Variants in SELENOT observed in about 807,000 individuals in gnomAD.
SELENOT encodes selenoprotein T.
A neutral mutation model predicts 24.3 loss-of-function variants in SELENOT; 9 were observed. That is an observed-to-expected ratio of 0.37 (90% CI 0.22 to 0.65). SELENOT has a LOEUF of 0.65. Among genes scored for constraint, SELENOT ranks in the 30% least tolerant of loss-of-function variants. The pLI is 0.60. For missense variants in SELENOT, 166 were observed against 247.6 expected (o/e 0.67, Z 2.21); for synonymous variants, 81 against 86.0 (o/e 0.94, Z 0.32).
chr3:150,615,572 C>G (rs533209805), intron 1 of SELENOT, among the ~76,000 whole-genome samples: 1 of 152,192 alleles, frequency 6.6e-6, no homozygotes, highest in East Asian at 1.9e-4. Context: ...AACAGAGAGC[C>G]AAATCATGAG....
chr3:150,603,710 G>C, intron 1 of SELENOT: 1 of 536,928 alleles, frequency 1.9e-6, no homozygotes, highest in Non-Finnish European at 3.2e-6. Context: ...CTTGTTTTTT[G>C]CCTCCTAGAA....
intron 1 of SELENOT, among the ~76,000 whole-genome samples, chr3:150,605,057 TC>T (rs1411802244): frequency 1.0e-4 from 13 of 128,584 alleles, no homozygotes; most frequent in Admixed American, 9.9e-4. Flanking sequence ...AAAAAAAACC[TC>T]CCTGTACAAT....
At chr3:150,623,207 A>G in intron 3 of SELENOT, 38 bp downstream of exon 3, 4 of 1,522,066 alleles carry the variant, frequency 2.6e-6, no homozygotes, top group Non-Finnish European at 3.5e-6. Flanking sequence ...GTAGGTTTTT[A>G]TGTTGTCAGT....
At chr3:150,612,860 C>T (rs1312748406) in intron 1 of SELENOT, among the ~76,000 whole-genome samples, 1 of 152,012 alleles carries the variant, frequency 6.6e-6, no homozygotes, top group African/African-American at 2.4e-5. Flanking sequence ...TGTCTAAAAC[C>T]AAAAAGTCAT....
intron 1 of SELENOT, chr3:150,611,692 A>G: frequency 6.2e-7 from 1 of 1,601,098 alleles, no homozygotes; most frequent in Non-Finnish European, 8.5e-7. Context: ...GCCCGACCGC[A>G]CCGCTCACCA....
At position 150,628,667 on chromosome 3, in the gene SELENOT, A is replaced by T. The variant is rs1726492295; in HGVS notation, c.*1038A>T. 4.6e-5 allele frequency: 7 copies of T among 152,196 alleles called. No homozygotes were observed. Among genetic ancestry groups the T allele is most frequent in the Admixed American group, 4.6e-4 (7 of 15,290 alleles). 9.4% of individuals were successfully genotyped at this position (152,196 alleles called of 1,614,324 possible). On this transcript the variant is annotated 3_prime_UTR_variant, in exon 6 of 6. Transcript: ENST00000471696. ...TTGTATATGATGAACAAAACTTAAA[A>T]TTTTTTAAATTTAATTTTTAAATAC...
intron 1 of SELENOT, among the ~76,000 whole-genome samples, chr3:150,615,955 C>T (rs1365861867): frequency 3.3e-5 from 5 of 151,846 alleles, no homozygotes; most frequent in Non-Finnish European, 7.4e-5. Context: ...AACTATACTA[C>T]AAGGCTACAG....
chr3:150,609,733 A>G (rs996291369), intron 1 of SELENOT, among the ~76,000 whole-genome samples: 1 of 152,188 alleles, frequency 6.6e-6, no homozygotes, highest in African/African-American at 2.4e-5. Context: ...ACTTCACTGA[A>G]GTTGACCAGC....
intron 5 of SELENOT, 54 bp downstream of exon 5, chr3:150,627,217 C>A: frequency 7.5e-7 from 1 of 1,325,892 alleles, no homozygotes; most frequent in Non-Finnish European, 1.0e-6. Context: ...TCTTATGACT[C>A]AGCAAGTTAG....
At chr3:150,622,048 T>G (rs1726355439) in intron 1 of SELENOT, among the ~76,000 whole-genome samples, 1 of 151,856 alleles carries the variant, frequency 6.6e-6, no homozygotes, top group Non-Finnish European at 1.5e-5. Flanking sequence ...GAGCTCAAAG[T>G]ATGCTGAATG....
intron 1 of SELENOT, among the ~76,000 whole-genome samples, chr3:150,620,895 T>A: frequency 6.6e-6 from 1 of 152,352 alleles, no homozygotes; most frequent in South Asian, 2.1e-4. Context: ...AAAGAAAAGA[T>A]TAATACATTT....
chr3:150,627,277 A>G, intron 5 of SELENOT, 114 bp downstream of exon 5: 1 of 807,580 alleles, frequency 1.2e-6, no homozygotes, highest in Non-Finnish European at 1.9e-6. Flanking sequence ...GATTAAACAG[A>G]GGGATGTATT....
chr3:150,603,528 C>T lies in SELENOT; in HGVS notation c.137+29C>T, dbSNP rs766189591. ...AGTATGTGCACTGGGCCCCGGCCAC[C>T]CCGCCGCGCCTCTGCTCGGCGCCAT... is the stretch of plus-strand genomic sequence containing the variant. On this transcript the variant is annotated intron_variant, in intron 1 of 5. Coordinates refer to ENST00000471696, the MANE Select transcript of SELENOT (RefSeq NM_016275.5). 8.4e-6 allele frequency: 13 copies of T among 1,552,820 alleles called. No homozygotes were observed. In the South Asian group the frequency reaches 1.2e-4, roughly 14 times the overall value.
chr3:150,608,618 A>G (rs1159899826), intron 1 of SELENOT, among the ~76,000 whole-genome samples: 1 of 152,204 alleles, frequency 6.6e-6, no homozygotes, highest in African/African-American at 2.4e-5. Flanking sequence ...TAAAAAAAGG[A>G]AAAGTAGAGA....
chr3:150,619,769 A>G (rs775549371), intron 1 of SELENOT, among the ~76,000 whole-genome samples: 5 of 152,180 alleles, frequency 3.3e-5, no homozygotes, highest in Non-Finnish European at 7.4e-5. Context: ...TACCTTTAAC[A>G]TTTGTCCACC....
intron 3 of SELENOT, among the ~76,000 whole-genome samples, chr3:150,624,392 C>T (rs1726399256): frequency 6.6e-6 from 1 of 152,114 alleles, no homozygotes; most frequent in Admixed American, 6.5e-5. Flanking sequence ...AATGAATGTA[C>T]TTTAATATGC....
chr3:150,624,936 T>A, intron 4 of SELENOT, 37 bp downstream of exon 4: 1 of 1,174,426 alleles, frequency 8.5e-7, no homozygotes, highest in Non-Finnish European at 1.2e-6. Context: ...TGATTGATTT[T>A]AAATGATTTA....
intron 1 of SELENOT, among the ~76,000 whole-genome samples, chr3:150,614,192 A>C (rs987281120): frequency 6.6e-6 from 1 of 152,186 alleles, no homozygotes; most frequent in Non-Finnish European, 1.5e-5. Flanking sequence ...ACTTTTATTC[A>C]AGTTAGCTGG....
At chr3:150,609,990 A>C (rs1726054637) in intron 1 of SELENOT, among the ~76,000 whole-genome samples, 1 of 152,222 alleles carries the variant, frequency 6.6e-6, no homozygotes, top group African/African-American at 2.4e-5. Context: ...ATGTACCAAA[A>C]TTACATTACA....
Sources: allele counts gnomAD v4.1 joint callset (sites outside exome capture counted in the v4.1 genomes callset), GRCh38; gene constraint gnomAD v4.1.1; transcripts MANE v1.5; gene names NCBI Gene and HGNC (gene_info 2026-07-23, HGNC 2026-07-21).